The following DNAJC25 variants were observed in gnomAD, a reference collection of about 807,000 sequenced individuals.
DNAJC25 encodes the protein DnaJ heat shock protein family (Hsp40) member C25.
Under a neutral mutation model 42.1 loss-of-function variants are expected in DNAJC25, and 26 were observed. That is an observed-to-expected ratio of 0.62 (90% CI 0.45 to 0.86). The LOEUF is 0.86. Among genes scored for constraint, DNAJC25 ranks in the 40% least tolerant of loss-of-function variants. The probability of loss-of-function intolerance (pLI) is 0.00; values close to 1 mark genes in which losing one functional copy is unlikely to be tolerated. For synonymous variants in DNAJC25, 189 were observed against 179.9 expected (o/e 1.05, Z -0.40); for missense variants, 404 against 459.4 (o/e 0.88, Z 1.10).
intron 1 of DNAJC25, among the ~76,000 whole-genome samples, chr9:111,644,835 A>G (rs1830542016): frequency 6.6e-6 from 1 of 152,262 alleles, no homozygotes; most frequent in African/African-American, 2.4e-5. Context: ...GAAAATTCTC[A>G]GATGATTTCT....
Position 111,650,028 on chromosome 9 carries a change from C to A in DNAJC25, c.960+105C>A, listed in dbSNP as rs975436668. Reference sequence around the variant, plus strand: ...AGAAGTGTGCTCACATTTCTGAAATCCTAGAGTTAAACAATTAGTAAAGAC... The same window carrying A: ...AGAAGTGTGCTCACATTTCTGAAATACTAGAGTTAAACAATTAGTAAAGAC... On this transcript the variant is annotated intron_variant, in intron 3 of 3. Transcript: ENST00000313525. The A allele has an allele frequency of 5.5e-6, 6 of 1,087,320 alleles. No homozygotes were observed. In the African/African-American group the frequency reaches 9.7e-5, roughly 18 times the overall value. The allele number at this position is 1,087,320 out of a possible 1,614,324, so 67.4% of individuals were successfully genotyped here.
chr9:111,651,358 CT>C (rs1318596298), intron 3 of DNAJC25, among the ~76,000 whole-genome samples: 7 of 151,288 alleles, frequency 4.6e-5, no homozygotes, highest in African/African-American at 1.7e-4. Context: ...CTTTTAAGTA[CT>C]TTTTTAAAAG....
At chr9:111,634,673 T>C (rs1481156443) in intron 1 of DNAJC25, among the ~76,000 whole-genome samples, 1 of 151,952 alleles carries the variant, frequency 6.6e-6, no homozygotes, top group Non-Finnish European at 1.5e-5. Context: ...CATCAGTGGA[T>C]TTATGATTCT....
At chr9:111,632,242 G>A (rs1830294459) in intron 1 of DNAJC25, among the ~76,000 whole-genome samples, 1 of 152,230 alleles carries the variant, frequency 6.6e-6, no homozygotes, top group African/African-American at 2.4e-5. Flanking sequence ...CCAGTCAAAA[G>A]GCTGGATGTG....
intron 1 of DNAJC25, among the ~76,000 whole-genome samples, chr9:111,641,017 G>C (rs1157766154): frequency 2.3e-5 from 2 of 85,810 alleles, no homozygotes; most frequent in Admixed American, 1.2e-4. Flanking sequence ...TCAGCCCCGC[G>C]CCCGGCCAGC....
intron 3 of DNAJC25, among the ~76,000 whole-genome samples, chr9:111,651,846 C>CAA (rs370573333): frequency 5.1e-4 from 47 of 92,984 alleles, no homozygotes; most frequent in East Asian, 4.1e-3. Context: ...GACCCCATCT[C>CAA]AAAAAAAAAA....
At chr9:111,647,322 A>G in intron 2 of DNAJC25, 63 bp downstream of exon 2, 2 of 1,553,626 alleles carry the variant, frequency 1.3e-6, no homozygotes, top group East Asian at 4.6e-5. Flanking sequence ...GCCTAGTGCT[A>G]GTCATTAAAA....
intron 1 of DNAJC25, among the ~76,000 whole-genome samples, chr9:111,643,434 C>G (rs1830513139): frequency 6.6e-6 from 1 of 151,980 alleles, no homozygotes; most frequent in African/African-American, 2.4e-5. Context: ...AAATAGGTAC[C>G]AAGTGTAATA....
rs1277951152 is a variant in DNAJC25 at position 111,654,091 on chromosome 9, G to A, written c.*869G>A. 6.6e-6 allele frequency: 1 copy of A among 152,026 alleles called. No individual in the cohort carries two copies. Among genetic ancestry groups the A allele is most frequent in the Non-Finnish European group, 1.5e-5 (1 of 68,022 alleles). The allele number at this position is 152,026 out of a possible 1,614,324, so 9.4% of individuals were successfully genotyped here. A position where few individuals can be genotyped will look rare whatever the true frequency, so the allele number is the denominator to read the frequency against. Reference sequence around the variant, plus strand: ...TGTTCATCTATTATGAAGTCCTTGAGTGGTGAAAAATCCGTTGTACATGAG... The same window carrying A: ...TGTTCATCTATTATGAAGTCCTTGAATGGTGAAAAATCCGTTGTACATGAG... On this transcript the variant is annotated 3_prime_UTR_variant, in exon 4 of 4. Coordinates refer to ENST00000313525, the MANE Select transcript of DNAJC25 (RefSeq NM_001015882.3).
intron 1 of DNAJC25, among the ~76,000 whole-genome samples, chr9:111,633,044 C>T (rs554690327): frequency 6.6e-6 from 1 of 152,142 alleles, no homozygotes; most frequent in South Asian, 2.1e-4. Context: ...AGTGCTGAGG[C>T]CCCAAAGGGC....
At chr9:111,653,050 C>A in intron 3 of DNAJC25, 50 bp from the exon 4 acceptor site, 1 of 1,476,890 alleles carries the variant, frequency 6.8e-7, no homozygotes, top group Non-Finnish European at 9.0e-7. Context: ...AAGCTAATGG[C>A]AAATGTTCCT....
Position 111,647,156 on chromosome 9 carries a change from A to G in DNAJC25, c.386A>G (p.Glu129Gly), listed in dbSNP as rs781596054. 1.2e-6 allele frequency: 2 copies of G among 1,614,084 alleles called. No homozygotes were observed. Among genetic ancestry groups the G allele is most frequent in the Non-Finnish European group, 1.7e-6 (2 of 1,180,038 alleles). ...DYDYMLDHPE[E>G]YYSHYYHYYS... ...GATTACATGCTGGATCATCCAGAAGAGTACTACAGCCATTACTACCACTAC... is the reference window on the plus strand; with the variant it reads ...GATTACATGCTGGATCATCCAGAAGGGTACTACAGCCATTACTACCACTAC... The change falls in exon 2 of 4, where the codon GAG (glutamate) becomes GGG (glycine). Residue 129 changes from glutamate to glycine, a missense_variant. By Grantham distance (98) the Glu-to-Gly change is moderately conservative. Coordinates refer to ENST00000313525, the MANE Select transcript of DNAJC25 (RefSeq NM_001015882.3).
chr9:111,647,775 C>T (rs572095784), intron 2 of DNAJC25, among the ~76,000 whole-genome samples: 48 of 152,254 alleles, frequency 3.2e-4, no homozygotes, highest in African/African-American at 9.9e-4. Flanking sequence ...GGCATAGGAA[C>T]TTTCTGTTTT....
chr9:111,641,637 C>A, intron 1 of DNAJC25, among the ~76,000 whole-genome samples: 1 of 134,792 alleles, frequency 7.4e-6, no homozygotes, highest in Non-Finnish European at 1.6e-5. Context: ...GGGGGGTCAG[C>A]CCCCCGCCCG....
chr9:111,650,175 T>C (rs1830635555), intron 3 of DNAJC25, among the ~76,000 whole-genome samples: 1 of 152,190 alleles, frequency 6.6e-6, no homozygotes, highest in Admixed American at 6.5e-5. Context: ...GTTTTAAGAA[T>C]GTTAAACTGC....
intron 1 of DNAJC25, among the ~76,000 whole-genome samples, chr9:111,636,182 A>G (rs1830360742): frequency 6.6e-6 from 1 of 152,240 alleles, no homozygotes; most frequent in Non-Finnish European, 1.5e-5. Context: ...TGAGTTGATC[A>G]GGAACGAAGT....
chr9:111,638,417 C>G (rs542389442), intron 1 of DNAJC25, among the ~76,000 whole-genome samples: 184 of 152,280 alleles, frequency 1.2e-3, no homozygotes, highest in Non-Finnish European at 2.4e-3. Flanking sequence ...TTACTTCTGT[C>G]TCTAGAGTTA....
chr9:111,641,166 G>C (rs1307914039), intron 1 of DNAJC25, among the ~76,000 whole-genome samples: 2 of 96,888 alleles, frequency 2.1e-5, no homozygotes, highest in Admixed American at 1.1e-4. Context: ...CGCCCCATCC[G>C]GGAGGGAGGT....
At chr9:111,648,662 A>T (rs961497075) in intron 2 of DNAJC25, among the ~76,000 whole-genome samples, 1 of 152,184 alleles carries the variant, frequency 6.6e-6, no homozygotes, top group African/African-American at 2.4e-5. Flanking sequence ...ACCCTTTCAA[A>T]GGGGAGAGCA....
Sources: allele counts gnomAD v4.1 joint callset (sites outside exome capture counted in the v4.1 genomes callset), GRCh38; gene constraint gnomAD v4.1.1; transcripts MANE v1.5; gene names NCBI Gene and HGNC (gene_info 2026-07-23, HGNC 2026-07-21).